NAALADL2: variants seen among roughly 807,000 people sequenced by gnomAD.
NAALADL2 encodes N-acetylated alpha-linked acidic dipeptidase like 2, also known as inactive N-acetylated-alpha-linked acidic dipeptidase-like protein 2.
In NAALADL2, 76 loss-of-function variants were observed where a neutral mutation model predicts 87.2. That is an observed-to-expected ratio of 0.87 (90% CI 0.72 to 1.05). NAALADL2 has a LOEUF of 1.05. Ranked by LOEUF, NAALADL2 falls within the 50% of genes least tolerant of loss-of-function variation. The pLI is 0.00. For missense variants in NAALADL2, 1,089 were observed against 945.8 expected (o/e 1.15, Z -1.99); for synonymous variants, 354 against 331.0 (o/e 1.07, Z -0.75).
At chr3:175,137,058 C>A (rs1488996722) in intron 2 of NAALADL2, among the ~76,000 whole-genome samples, 1 of 152,102 alleles carries the variant, frequency 6.6e-6, no homozygotes, top group African/African-American at 2.4e-5. Flanking sequence ...TGACCCCTTA[C>A]AAGATGACAA....
chr3:174,582,360 A>AT (rs2108562854), intron 2 of NAALADL2, among the ~76,000 whole-genome samples: 1 of 152,270 alleles, frequency 6.6e-6, no homozygotes, highest in Admixed American at 6.5e-5. Context: ...ACTTGCTTCT[A>AT]TTTTCTTTTA....
chr3:175,273,821 T>C (rs1313552404), intron 4 of NAALADL2, among the ~76,000 whole-genome samples: 4 of 152,186 alleles, frequency 2.6e-5, no homozygotes, highest in South Asian at 4.1e-4. Context: ...TTTTATTATT[T>C]TCTCCTTTTT....
At chr3:175,379,423 T>TGGAA (rs1210976193) in intron 5 of NAALADL2, among the ~76,000 whole-genome samples, 4 of 152,108 alleles carry the variant, frequency 2.6e-5, no homozygotes, top group African/African-American at 9.7e-5. Flanking sequence ...TGTTTCTGGG[T>TGGAA]GGAAAGCTTT....
intron 9 of NAALADL2, among the ~76,000 whole-genome samples, chr3:175,546,036 A>G (rs1285420703): frequency 2.6e-5 from 4 of 152,148 alleles, no homozygotes; most frequent in Non-Finnish European, 4.4e-5. Context: ...AGTACAATAC[A>G]CCTTAAAGAA....
chr3:175,327,843 G>A (rs888609471), intron 5 of NAALADL2, among the ~76,000 whole-genome samples: 4 of 152,138 alleles, frequency 2.6e-5, no homozygotes, highest in African/African-American at 7.2e-5. Context: ...AATTTTAAGA[G>A]TTAAAAGTTG....
intron 3 of NAALADL2, among the ~76,000 whole-genome samples, chr3:174,739,378 CG>C (rs1291942862): frequency 6.6e-6 from 1 of 151,954 alleles, no homozygotes; most frequent in Non-Finnish European, 1.5e-5. Context: ...ACAAGAAAAT[CG>C]GATGAAGATT....
chr3:174,699,962 A>AT (rs1457505107), intron 2 of NAALADL2, among the ~76,000 whole-genome samples: 2 of 150,914 alleles, frequency 1.3e-5, no homozygotes, highest in Non-Finnish European at 2.9e-5. Context: ...GTCAGATTTA[A>AT]TTTTTTCTCT....
chr3:174,664,547 T>C (rs927376409), intron 2 of NAALADL2, among the ~76,000 whole-genome samples: 1 of 152,214 alleles, frequency 6.6e-6, no homozygotes, highest in African/African-American at 2.4e-5. Context: ...TTTGACATTG[T>C]ATTAAAAATA....
intron 5 of NAALADL2, among the ~76,000 whole-genome samples, chr3:175,325,936 TC>T (rs1412356419): frequency 6.6e-6 from 1 of 152,192 alleles, no homozygotes; most frequent in African/African-American, 2.4e-5. Flanking sequence ...TTCTTTCTTC[TC>T]CTAGAAATAA....
chr3:175,538,787 A>G (rs1008926422), intron 9 of NAALADL2, among the ~76,000 whole-genome samples: 1 of 152,222 alleles, frequency 6.6e-6, no homozygotes, highest in African/African-American at 2.4e-5. Flanking sequence ...AGCACTTCTT[A>G]TACAACAGAT....
chr3:174,750,989 ATTTTTATG>A lies in NAALADL2; in HGVS notation c.-9+13248_-9+13255del, dbSNP rs374468267. 8.4e-3 allele frequency among the ~76,000 whole-genome samples: 1,277 copies of A among 152,206 alleles called. 24 individuals carry two copies. Among genetic ancestry groups the A allele is most frequent in the African/African-American group, 0.03 (1,234 of 41,516 alleles). ...ACATATATTCTATAAGTGCAATTAT[ATTTTTATG>A]TTTTCTTCAATTATAATAGTTGTAC... On this transcript the variant is annotated intron_variant, in intron 3 of 3. Coordinates refer to the NAALADL2 transcript ENST00000434257.
intron 4 of NAALADL2, among the ~76,000 whole-genome samples, chr3:175,291,594 T>A (rs1755647237): frequency 6.6e-6 from 1 of 152,160 alleles, no homozygotes; most frequent in Non-Finnish European, 1.5e-5. Context: ...AAATAATGTG[T>A]CAACTATGAA....
intron 10 of NAALADL2, among the ~76,000 whole-genome samples, chr3:175,607,071 A>G (rs9853508): frequency 0.19 from 28,260 of 152,152 alleles, 2,990 homozygotes; most frequent in African/African-American, 0.28. Context: ...CAGAGAGAGT[A>G]AGAAGGTGTA....
chr3:175,559,312 T>C (rs114920567), intron 9 of NAALADL2, among the ~76,000 whole-genome samples: 19,593 of 152,116 alleles, frequency 0.13, 1,345 homozygotes, highest in Middle Eastern at 0.17. Flanking sequence ...TTACTAGTTT[T>C]TAAAGTTTGT....
chr3:174,946,969 C>CT (rs1420774156), intron 1 of NAALADL2, among the ~76,000 whole-genome samples: 1 of 152,142 alleles, frequency 6.6e-6, no homozygotes, highest in East Asian at 1.9e-4. Flanking sequence ...GAATCTGCTA[C>CT]TTGCTAACAA....
At chr3:174,859,277 T>C (rs1726180076), upstream of NAALADL2, 1 of 672,406 alleles carries the variant, frequency 1.5e-6, no homozygotes, top group Non-Finnish European at 2.6e-6. Flanking sequence ...AGCAGAATGG[T>C]AATTATTCAC....
chr3:175,004,878 A>C (rs1264423454), intron 1 of NAALADL2, among the ~76,000 whole-genome samples: 2 of 152,042 alleles, frequency 1.3e-5, no homozygotes, highest in Non-Finnish European at 1.5e-5. Context: ...ATCAAAAAAA[A>C]AAAATCCAAA....
intron 1 of NAALADL2, among the ~76,000 whole-genome samples, chr3:174,455,186 T>G (rs1456445098): frequency 6.6e-6 from 1 of 152,008 alleles, no homozygotes; most frequent in Non-Finnish European, 1.5e-5. Flanking sequence ...AGAAAGAAAG[T>G]GAATCCCTGA....
intron 2 of NAALADL2, among the ~76,000 whole-genome samples, chr3:174,693,470 T>C (rs551596400): frequency 6.6e-6 from 1 of 152,304 alleles, no homozygotes; most frequent in Non-Finnish European, 1.5e-5. Context: ...CCAACTCCAG[T>C]ATTCAGGATC....
Sources: gnomAD v4.1 joint callset for allele counts (sites outside exome capture counted in the v4.1 genomes callset) on GRCh38, gnomAD v4.1.1 for gene constraint, MANE v1.5 for transcripts, NCBI Gene and HGNC (gene_info 2026-07-23, HGNC 2026-07-21) for gene names.